The following BPTF variants were observed in gnomAD, a reference collection of about 807,000 sequenced individuals.
BPTF encodes the protein nucleosome-remodeling factor subunit BPTF.
In BPTF, 18 loss-of-function variants were observed where a neutral mutation model predicts 292.5. The ratio of observed to expected loss-of-function variants is 0.06; its 90% CI spans 0.04 to 0.09. The LOEUF (loss-of-function observed/expected upper bound fraction) is 0.09. Ranked by LOEUF, BPTF falls within the 10% of genes least tolerant of loss-of-function variation. BPTF has a pLI of 1.00. For synonymous variants in BPTF, 1,225 were observed against 1,251.9 expected, an observed-to-expected ratio of 0.98 and a Z score of 0.45; for missense variants, 2,726 against 3,498.7, an observed-to-expected ratio of 0.78 and a Z score of 5.57.
chr17:67,844,016 C>G (rs554202444), intron 1 of BPTF, among the ~76,000 whole-genome samples: 1 of 148,280 alleles, frequency 6.7e-6, no homozygotes, highest in African/African-American at 2.5e-5. Flanking sequence ...CCACCCACCT[C>G]AGCCTCCCAA....
At chr17:67,842,817 C>CAAAAAAAAAAAAA (rs60085248) in intron 1 of BPTF, among the ~76,000 whole-genome samples, 7 of 47,808 alleles carry the variant, frequency 1.5e-4, no homozygotes, top group Admixed American at 2.5e-4. Flanking sequence ...CAATTAAGGC[C>CAAAAAAAAAAAAA]AAAAAAAAAA....
chr17:67,829,086 G>A (rs1209244596), intron 1 of BPTF, among the ~76,000 whole-genome samples: 2 of 150,500 alleles, frequency 1.3e-5, no homozygotes, highest in African/African-American at 4.9e-5. Flanking sequence ...ACTAAAAATT[G>A]GTCTAATTGT....
At chr17:67,944,848 G>C (rs1269723213) in intron 20 of BPTF, among the ~76,000 whole-genome samples, 1 of 152,114 alleles carries the variant, frequency 6.6e-6, no homozygotes, top group African/African-American at 2.4e-5. Context: ...AGATGACCCA[G>C]CTGATTTCCA....
chr17:67,853,851 G>A (rs1250232869), intron 1 of BPTF, 89 bp from the exon 2 acceptor site: 1 of 907,928 alleles, frequency 1.1e-6, no homozygotes, highest in Admixed American at 2.3e-5. Flanking sequence ...ATGTACTTAT[G>A]TATTTTAGGG....
chr17:67,891,788 G>A (rs2061133149), intron 4 of BPTF, 56 bp from the exon 5 acceptor site: 1 of 1,359,704 alleles, frequency 7.4e-7, no homozygotes, highest in African/African-American at 1.5e-5. Context: ...GAAATAAGGT[G>A]GTTATAATTA....
chr17:67,978,143 C>T (rs773181187), intron 27 of BPTF, among the ~76,000 whole-genome samples: 8 of 151,550 alleles, frequency 5.3e-5, no homozygotes, highest in African/African-American at 7.3e-5. Context: ...CGTGAGCCAC[C>T]GCACCCGGCC....
chr17:67,893,661 A>T lies in BPTF; in HGVS notation c.2347A>T (p.Thr783Ser), dbSNP rs774655665. 6.2e-6 allele frequency: 10 copies of T among 1,611,998 alleles called. No homozygotes were observed. In the South Asian group the frequency reaches 8.8e-5, roughly 14 times the overall value. ...TCTTACCATATCTACTCTGAGACTG[A>T]CTATCACCCAATTAGAAAACAACAT... ...KVLTISTLRL[T>S]ITQLENNIPS... Residue 783 changes from threonine to serine, a missense_variant, in exon 6 of 28, where the codon ACT becomes TCT. Around this residue, in one of 22 missense-constraint regions of BPTF, gnomAD observed 99 missense variants for 227.1 expected, o/e 0.44. Coordinates refer to ENST00000306378, the MANE Select transcript of BPTF (RefSeq NM_182641.4).
chr17:67,867,690 A>C (rs1458872221), intron 3 of BPTF, among the ~76,000 whole-genome samples: 1 of 152,152 alleles, frequency 6.6e-6, no homozygotes, highest in Non-Finnish European at 1.5e-5. Flanking sequence ...TTTTGTAGAA[A>C]GCCCTCATTA....
chr17:67,949,574 C>CA (rs546531290), intron 23 of BPTF, among the ~76,000 whole-genome samples: 100 of 129,214 alleles, frequency 7.7e-4, no homozygotes, highest in Non-Finnish European at 6.6e-4. Flanking sequence ...GACTCCATCT[C>CA]AAAAAAAAAA....
chr17:67,900,251 A>G (rs908538897), intron 7 of BPTF, among the ~76,000 whole-genome samples: 7 of 151,814 alleles, frequency 4.6e-5, no homozygotes, highest in African/African-American at 1.7e-4. Context: ...ATTACAGACA[A>G]GTACCACAAT....
At chr17:67,946,454 C>T (rs2065818831) in intron 21 of BPTF, 129 bp downstream of exon 21, 13 of 1,393,430 alleles carry the variant, frequency 9.3e-6, no homozygotes, top group Non-Finnish European at 1.2e-5. Context: ...TTAGAAGAAA[C>T]ACTGAATTGA....
intron 11 of BPTF, among the ~76,000 whole-genome samples, chr17:67,913,605 T>C (rs1270346415): frequency 6.6e-6 from 1 of 152,202 alleles, no homozygotes; most frequent in Non-Finnish European, 1.5e-5. Context: ...GTAAATTTCA[T>C]AAAGCTTATC....
At position 67,890,196 on chromosome 17, in the gene BPTF, C is replaced by A. The variant is rs886453142; in HGVS notation, c.1865-1648C>A. Reference sequence around the variant, plus strand: ...TTTACTGGTTTTGATAGAAATACATCAAACTTGCTTAAAAAGGGAATTTTA... The same window carrying A: ...TTTACTGGTTTTGATAGAAATACATAAAACTTGCTTAAAAAGGGAATTTTA... On this transcript the variant is annotated intron_variant, in intron 4 of 27. Coordinates refer to ENST00000306378, the MANE Select transcript of BPTF (RefSeq NM_182641.4). Among the ~76,000 whole-genome samples, 26 of 152,150 alleles carry A rather than the reference C, an allele frequency of 1.7e-4. 1 individual carries two copies. The highest frequency in any genetic ancestry group is 2.1e-4 in the Non-Finnish European group (14 of 68,014).
chr17:67,945,420 C>G lies in BPTF; in HGVS notation c.6712C>G (p.Gln2238Glu), dbSNP rs148759485. The G allele has an allele frequency of 1.4e-5, 22 of 1,612,668 alleles. No individual in the cohort carries two copies. The highest frequency in any genetic ancestry group is 1.9e-5 in the Non-Finnish European group (22 of 1,179,284). Residue 2238 changes from glutamine (Q) to glutamate (E), a missense_variant, in exon 21 of 28, where the codon CAA (glutamine) becomes GAA (glutamate). By Grantham distance (29) the Gln-to-Glu change is conservative. Transcript: ENST00000306378. ...TTTCCTTTTTACAGGTACAGGTGAA[C>G]AAAGGCAGAGTAAACTGTCACCCCA... ...VSTTAAGTGE[Q>E]RQSKLSPQMQ...
rs1449784057 is a variant in BPTF at position 67,959,148 on chromosome 17, A to G, written c.7927-393A>G. Among the ~76,000 whole-genome samples the G allele has an allele frequency of 2.0e-5, 3 of 152,164 alleles. No homozygotes were observed. The South Asian group carries it at 6.2e-4, about 31-fold the overall frequency. On this transcript the variant is annotated intron_variant, in intron 23 of 27. Coordinates refer to ENST00000306378, the MANE Select transcript of BPTF (RefSeq NM_182641.4). ...GCCAGTTCATGTCCAGTCTCACTGT[A>G]AGGACAGAGAGCAAGAGCAACTAGA...
rs1472243759 is a variant in BPTF, at chr17:67,948,171, G to A, written c.7791G>A (p.Glu2597=). 6.2e-7 allele frequency: 1 copy of A among 1,614,208 alleles called. No individual in the cohort carries two copies. The highest frequency in any genetic ancestry group is 2.2e-5 in the East Asian group (1 of 44,886). The change falls in exon 23 of 28, where the codon GAG becomes GAA. Residue 2597 remains glutamate, a synonymous_variant. Coordinates refer to ENST00000306378, the MANE Select transcript of BPTF (RefSeq NM_182641.4). The part of the protein sequence containing the change: ...KQAAKKRKRE[E]SVEQKRSKQN... ...CAGCAAAAAAACGGAAGCGTGAAGA[G>A]AGTGTGGAGCAGAAACGTAGCAAGC...
chr17:67,884,685 G>A (rs1031155692), intron 4 of BPTF, among the ~76,000 whole-genome samples: 2 of 152,120 alleles, frequency 1.3e-5, no homozygotes, highest in Non-Finnish European at 2.9e-5. Context: ...CAAATTGCTG[G>A]GATTACAGGT....
intron 1 of BPTF, among the ~76,000 whole-genome samples, chr17:67,844,063 C>T (rs921740698): frequency 3.9e-4 from 47 of 120,744 alleles, no homozygotes; most frequent in Non-Finnish European, 5.7e-4. Flanking sequence ...CCGTGCCCGG[C>T]CCCCGCCTTT....
chr17:67,881,852 G>GTTTT (rs1280950839), intron 4 of BPTF, among the ~76,000 whole-genome samples: 1 of 38,386 alleles, frequency 2.6e-5, no homozygotes. Flanking sequence ...GGGATTTTGG[G>GTTTT]TTTTTGTTTT....
Sources: gnomAD v4.1 joint callset for allele counts (sites outside exome capture counted in the v4.1 genomes callset) on GRCh38, gnomAD v4.1.1 for gene constraint, gnomAD v4.1.1 regional missense constraint, MANE v1.5 for transcripts, NCBI Gene and HGNC (gene_info 2026-07-23, HGNC 2026-07-21) for gene names.